CDH4: variants seen among roughly 807,000 people sequenced by gnomAD.
The protein encoded by CDH4 is cadherin 4, also known as cadherin-4.
In CDH4, 33 loss-of-function variants were observed where a neutral mutation model predicts 86.0. That is an observed-to-expected ratio of 0.38 (90% confidence interval 0.29 to 0.51). The LOEUF is 0.51. CDH4 is among the 20% of genes least tolerant of loss of function. The pLI, the probability that CDH4 is intolerant of heterozygous loss-of-function variation, is 0.86. For missense variants in CDH4, 1,114 were observed against 1,307.4 expected (o/e 0.85, Z 2.28); for synonymous variants, 555 against 549.4 (o/e 1.01, Z -0.14).
At chr20:61,767,796 G>A (rs1175425469) in intron 3 of CDH4, among the ~76,000 whole-genome samples, 1 of 152,160 alleles carries the variant, frequency 6.6e-6, no homozygotes, top group Non-Finnish European at 1.5e-5. Flanking sequence ...CTGGCCACAG[G>A]GCCAGTTTCC....
rs527708365 is a variant in CDH4, at chr20:61,598,269, C to T, written c.170-145294C>T. On this transcript the variant is annotated intron_variant, in intron 2 of 15. Transcript: ENST00000614565. ...TGGGACCTCTCCAAGCCCCTCCCACCCACCGGCCTGCCTGCTTCCCATGCC... is the reference window on the plus strand; with the variant it reads ...TGGGACCTCTCCAAGCCCCTCCCACTCACCGGCCTGCCTGCTTCCCATGCC... Among the ~76,000 whole-genome samples, 786 of 152,222 alleles carry T rather than the reference C, an allele frequency of 5.2e-3. 4 individuals carry two copies. The highest frequency in any genetic ancestry group is 9.5e-3 in the Non-Finnish European group (647 of 68,010).
intron 2 of CDH4, among the ~76,000 whole-genome samples, chr20:61,712,186 C>G (rs2087901151): frequency 6.6e-6 from 1 of 152,166 alleles, no homozygotes; most frequent in Admixed American, 6.5e-5. Flanking sequence ...CCGTCTCCAC[C>G]AAGCCAAGTA....
chr20:61,847,038 C>T (rs1467895624), intron 5 of CDH4, among the ~76,000 whole-genome samples: 3 of 152,182 alleles, frequency 2.0e-5, no homozygotes, highest in Non-Finnish European at 2.9e-5. Flanking sequence ...CCCAGGTGAC[C>T]TGCACCAGCA....
chr20:61,353,542 G>C (rs2084725562), intron 2 of CDH4, among the ~76,000 whole-genome samples: 1 of 128,100 alleles, frequency 7.8e-6, no homozygotes, highest in South Asian at 2.7e-4. Context: ...AGCACTGAGA[G>C]TGGACATCTC....
chr20:61,553,553 G>A (rs976918223), intron 2 of CDH4, among the ~76,000 whole-genome samples: 2 of 152,234 alleles, frequency 1.3e-5, no homozygotes, highest in African/African-American at 4.8e-5. Flanking sequence ...GCATGTGTAT[G>A]CATCTGTCTT....
At chr20:61,389,176 G>C (rs2084967474) in intron 2 of CDH4, among the ~76,000 whole-genome samples, 1 of 152,212 alleles carries the variant, frequency 6.6e-6, no homozygotes. Context: ...AGCCATGGCT[G>C]TGCACCTGTG....
intron 2 of CDH4, among the ~76,000 whole-genome samples, chr20:61,294,834 C>T (rs916305097): frequency 2.0e-4 from 31 of 152,248 alleles, no homozygotes; most frequent in Non-Finnish European, 4.1e-4. Flanking sequence ...GATCTGGTCA[C>T]GGCGCTCGGT....
chr20:61,937,149 G>A lies in CDH4; in HGVS notation c.*206G>A. 2.6e-6 allele frequency: 1 copy of A among 384,700 alleles called. No individual in the cohort carries two copies. Among genetic ancestry groups the A allele is most frequent in the East Asian group, 3.8e-5 (1 of 26,342 alleles). The allele number at this position is 384,700 out of a possible 1,614,324, so 23.8% of individuals were successfully genotyped here. A position where few individuals can be genotyped will look rare whatever the true frequency, so the allele number is the denominator to read the frequency against. On this transcript the variant is annotated 3_prime_UTR_variant, in exon 16 of 16. Coordinates refer to ENST00000614565, the MANE Select transcript of CDH4 (RefSeq NM_001794.5). ...CCGGCCGCTGCCCAGCACCGCGCTG[G>A]CTGGCACTGAAGGACAGCAAGAGGC...
Position 61,743,611 on chromosome 20 carries a change from A to G in CDH4, c.218A>G (p.Asn73Ser). 1.9e-6 allele frequency: 3 copies of G among 1,583,740 alleles called. No homozygotes were observed. The South Asian group carries it at 3.5e-5, about 18-fold the overall frequency. The change falls in exon 3 of 16, where the codon AAC becomes AGC. Residue 73 changes from asparagine to serine, a missense_variant. Asn to Ser is a conservative substitution (Grantham distance 46). Around this residue, in one of 3 missense-constraint regions of CDH4, gnomAD observed 221 missense variants for 209.5 expected, o/e 1.05. Transcript: ENST00000614565. ...VGTKGTQYET[N>S]SMDFKVGADG... ...ACCAAGGGGACACAATATGAGACCA[A>G]CAGCATGGACTTCAAAGTTGGGGCA...
chr20:61,932,986 C>G lies in CDH4; in HGVS notation c.2241C>G (p.Thr747=). The part of the protein sequence containing the change: ...AILICILILL[T]MVLLFVMWMK... ...CTCACGGGCAGCCCTCCCCCACAGC[C>G]ATGGTCCTGCTGTTTGTCATGTGGA... The change falls in exon 14 of 16, where the codon ACC becomes ACG. Residue 747 remains threonine (T), a splice_region_variant and synonymous_variant. Transcript: ENST00000614565. The G allele has an allele frequency of 6.2e-7, 1 of 1,612,436 alleles. No individual in the cohort carries two copies. Among genetic ancestry groups the G allele is most frequent in the African/African-American group, 1.3e-5 (1 of 75,060 alleles).
chr20:61,295,828 C>T (rs6015943), intron 2 of CDH4, among the ~76,000 whole-genome samples: 20,465 of 152,226 alleles, frequency 0.13, 1,575 homozygotes, highest in African/African-American at 0.2. Flanking sequence ...CTCCCCAGGG[C>T]GGCCAGCAGG....
Position 61,674,485 on chromosome 20 carries a change from G to A in CDH4, c.170-69078G>A, listed in dbSNP as rs535553384. Among the ~76,000 whole-genome samples, 4 of 152,280 alleles carry A rather than the reference G, an allele frequency of 2.6e-5. No homozygotes were observed. The South Asian group carries it at 8.3e-4, about 32-fold the overall frequency. ...CAGTTCACAGGGAGCAGGAGAAGCC[G>A]GCTGCTCAAGAGACCCTGGGCCCAG... is the stretch of plus-strand genomic sequence containing the variant. On this transcript the variant is annotated intron_variant, in intron 2 of 15. Coordinates refer to ENST00000614565, the MANE Select transcript of CDH4 (RefSeq NM_001794.5).
rs945048080 is a variant in CDH4, at chr20:61,339,235, A to T, written c.169+84298A>T. On this transcript the variant is annotated intron_variant, in intron 2 of 15. Transcript: ENST00000614565. ...AAGCATGAACATGAACAGAGAGGAC[A>T]CATAGACCAATTTCCAAATCATGGT... 3.3e-5 allele frequency among the ~76,000 whole-genome samples: 5 copies of T among 152,232 alleles called. No individual in the cohort carries two copies. The East Asian group carries it at 9.6e-4, about 29-fold the overall frequency.
intron 2 of CDH4, among the ~76,000 whole-genome samples, chr20:61,426,875 A>G (rs1046260698): frequency 6.6e-6 from 1 of 152,252 alleles, no homozygotes; most frequent in Non-Finnish European, 1.5e-5. Flanking sequence ...TCTTCTAGAT[A>G]AAAATCTTGG....
chr20:61,427,191 T>C (rs1332116722), intron 2 of CDH4, among the ~76,000 whole-genome samples: 3 of 152,190 alleles, frequency 2.0e-5, no homozygotes, highest in African/African-American at 7.2e-5. Context: ...TCCTCACGGT[T>C]CCACATTCCC....
intron 2 of CDH4, among the ~76,000 whole-genome samples, chr20:61,605,594 CCTCTGT>C (rs2145751935): frequency 6.7e-6 from 1 of 149,798 alleles, no homozygotes; most frequent in Non-Finnish European, 1.5e-5. Flanking sequence ...CCTGTCTCTC[CCTCTGT>C]CTCTGTTTCT....
Position 61,623,048 on chromosome 20 carries a change from C to T in CDH4, c.170-120515C>T, listed in dbSNP as rs2145777315. On this transcript the variant is annotated intron_variant, in intron 2 of 15. Transcript: ENST00000614565. The surrounding 1 kb of genome is among the most constrained non-coding windows in gnomAD (Gnocchi z 4.4). ...CAGTCATTTAAGACAGTCAGGGAAA[C>T]AAACGGGGAGGTGCCTTAGAGGCAA... 6.6e-6 allele frequency among the ~76,000 whole-genome samples: 1 copy of T among 152,280 alleles called. No homozygotes were observed. Among genetic ancestry groups the T allele is most frequent in the South Asian group, 2.1e-4 (1 of 4,828 alleles).
At chr20:61,701,052 G>A (rs1376728256) in intron 2 of CDH4, among the ~76,000 whole-genome samples, 2 of 152,196 alleles carry the variant, frequency 1.3e-5, no homozygotes, top group African/African-American at 4.8e-5. Flanking sequence ...ATCGGCAGGG[G>A]TGGTTTGACG....
intron 2 of CDH4, among the ~76,000 whole-genome samples, chr20:61,450,160 T>A (rs940178519): frequency 6.6e-6 from 1 of 152,242 alleles, no homozygotes; most frequent in African/African-American, 2.4e-5. Context: ...AATGACCTTC[T>A]GTTCATGAAT....
Sources: gnomAD v4.1 joint callset for allele counts (sites outside exome capture counted in the v4.1 genomes callset) on GRCh38, gnomAD v4.1.1 for gene constraint, gnomAD v4.1.1 regional missense constraint, Gnocchi (gnomAD v3.1) non-coding constraint, MANE v1.5 for transcripts, NCBI Gene and HGNC (gene_info 2026-07-23, HGNC 2026-07-21) for gene names.